Variants in SYT1 observed in about 807,000 individuals in gnomAD.
SYT1 encodes synaptotagmin 1.
SYT1 carries 8 observed loss-of-function variants against 44.8 expected under a neutral mutation model. The observed-to-expected ratio is 0.18, with a 90% CI of 0.10 to 0.32. SYT1 has a LOEUF of 0.32. Ranked by LOEUF, SYT1 falls within the 10% of genes least tolerant of loss-of-function variation. The probability of loss-of-function intolerance (pLI) is 1.00; values close to 1 mark genes in which losing one functional copy is unlikely to be tolerated. For synonymous variants in SYT1, 154 were observed against 188.8 expected (o/e 0.82, Z 1.51); for missense variants, 286 against 509.3 (o/e 0.56, Z 4.22).
In SYT1 at chr12:78,923,151, A is replaced by G. The variant is rs147235610; in HGVS notation, c.-216-54648A>G. 2.3e-4 allele frequency among the ~76,000 whole-genome samples: 35 copies of G among 152,116 alleles called. No individual in the cohort carries two copies. In the East Asian group the frequency reaches 6.4e-3, roughly 28 times the overall value. ...ATTTCAGATGTGAAAGAAATATTCT[A>G]TATTTATGCTGTCCAATATGGTGGT... On this transcript the variant is annotated intron_variant, in intron 1 of 10. Transcript: ENST00000261205.
chr12:79,021,736 A>G (rs549029736), intron 2 of SYT1, among the ~76,000 whole-genome samples: 4 of 151,860 alleles, frequency 2.6e-5, no homozygotes, highest in Non-Finnish European at 5.9e-5. Flanking sequence ...AGAAGTTTAG[A>G]AAATATATAA....
At chr12:79,349,040 A>AGAAAGAAAGAAAGG in intron 8 of SYT1, among the ~76,000 whole-genome samples, 1 of 135,230 alleles carries the variant, frequency 7.4e-6, no homozygotes, top group East Asian at 2.7e-4. Context: ...AGAAAAAGAA[A>AGAAAGAAAGAAAGG]GAAAGAAAGA....
intron 1 of SYT1, among the ~76,000 whole-genome samples, chr12:78,938,912 A>C (rs1392159757): frequency 6.6e-6 from 1 of 152,186 alleles, no homozygotes; most frequent in Non-Finnish European, 1.5e-5. Flanking sequence ...CTTAAGAATC[A>C]CTAAAGTTGG....
At chr12:79,133,518 T>C (rs2138187248) in intron 3 of SYT1, among the ~76,000 whole-genome samples, 1 of 152,366 alleles carries the variant, frequency 6.6e-6, no homozygotes, top group Admixed American at 6.5e-5. Flanking sequence ...CTATACCCTG[T>C]AGATATTTAC....
rs547875952 is a variant in SYT1 at position 79,430,588 on chromosome 12, C to G, written c.929-13485C>G. Reference sequence around the variant, plus strand: ...ATCACTTGAGTTCAAGAGTTTAAGACCAGCCTAGGCAACATAGCAAGATCT... The same window carrying G: ...ATCACTTGAGTTCAAGAGTTTAAGAGCAGCCTAGGCAACATAGCAAGATCT... On this transcript the variant is annotated intron_variant, in intron 9 of 10. Coordinates refer to ENST00000261205, the MANE Select transcript of SYT1 (RefSeq NM_005639.3). Among the ~76,000 whole-genome samples the G allele has an allele frequency of 3.9e-5, 6 of 152,182 alleles. No individual in the cohort carries two copies. The South Asian group carries it at 1.2e-3, about 32-fold the overall frequency.
intron 2 of SYT1, among the ~76,000 whole-genome samples, chr12:79,012,651 G>A (rs1199951195): frequency 6.6e-6 from 1 of 152,096 alleles, no homozygotes; most frequent in Non-Finnish European, 1.5e-5. Context: ...GAGCTGAAGG[G>A]AAAATTTATT....
intron 9 of SYT1, among the ~76,000 whole-genome samples, chr12:79,405,282 A>G (rs923264793): frequency 6.6e-6 from 1 of 152,158 alleles, no homozygotes; most frequent in East Asian, 1.9e-4. Flanking sequence ...AATCAAAAGT[A>G]TACTTTTCAT....
At chr12:78,974,886 G>C (rs1342504987) in intron 1 of SYT1, among the ~76,000 whole-genome samples, 1 of 151,776 alleles carries the variant, frequency 6.6e-6, no homozygotes, top group Non-Finnish European at 1.5e-5. Flanking sequence ...AAATTAGATC[G>C]TCCAGAGGCT....
chr12:78,984,354 A>G (rs1430216983), intron 2 of SYT1, among the ~76,000 whole-genome samples: 3 of 151,978 alleles, frequency 2.0e-5, no homozygotes, highest in Admixed American at 6.6e-5. Flanking sequence ...AAATACCACA[A>G]TGTATTTTAT....
intron 2 of SYT1, among the ~76,000 whole-genome samples, chr12:79,008,047 T>C (rs1337625183): frequency 1.3e-5 from 2 of 152,046 alleles, no homozygotes; most frequent in Non-Finnish European, 2.9e-5. Context: ...AATATGCCTA[T>C]AAATAGTGAT....
intron 3 of SYT1, among the ~76,000 whole-genome samples, chr12:79,072,361 T>G (rs1170988347): frequency 6.6e-6 from 1 of 152,114 alleles, no homozygotes; most frequent in African/African-American, 2.4e-5. Context: ...ATCCTGTTCA[T>G]TTAATGTGAA....
At chr12:79,112,091 A>C (rs1376232863) in intron 3 of SYT1, among the ~76,000 whole-genome samples, 3 of 152,068 alleles carry the variant, frequency 2.0e-5, no homozygotes, top group South Asian at 4.1e-4. Flanking sequence ...GAGAGTCAAC[A>C]GTTAGTTGGA....
chr12:79,345,675 G>A (rs534720890), intron 8 of SYT1, among the ~76,000 whole-genome samples: 1 of 152,272 alleles, frequency 6.6e-6, no homozygotes, highest in South Asian at 2.1e-4. Flanking sequence ...TGTAAATACC[G>A]ATTTGGCAGA....
intron 8 of SYT1, among the ~76,000 whole-genome samples, chr12:79,334,719 A>T (rs947487943): frequency 5.9e-5 from 9 of 152,156 alleles, no homozygotes; most frequent in African/African-American, 2.2e-4. Context: ...CTTTGATAAT[A>T]CTTTCATCAT....
intron 2 of SYT1, among the ~76,000 whole-genome samples, chr12:78,981,125 G>GTTTTTTTTTTTTTTTTTTTTT (rs1171068435): frequency 2.4e-5 from 3 of 122,696 alleles, no homozygotes; most frequent in Non-Finnish European, 3.4e-5. Context: ...TTGTTTCTTT[G>GTTTTTTTTTTTTTTTTTTTTT]TTTTTTTTTT....
At chr12:78,988,277 CAATA>C (rs1175821040) in intron 2 of SYT1, among the ~76,000 whole-genome samples, 1 of 151,288 alleles carries the variant, frequency 6.6e-6, no homozygotes, top group African/African-American at 2.4e-5. Flanking sequence ...AACAAATAAA[CAATA>C]AACAACATAA....
At chr12:79,394,745 A>G (rs1019884828) in intron 9 of SYT1, among the ~76,000 whole-genome samples, 1 of 152,230 alleles carries the variant, frequency 6.6e-6, no homozygotes, top group African/African-American at 2.4e-5. Context: ...TTCTACTGCA[A>G]CATTTCAACA....
At chr12:78,994,816 T>C (rs1290657503) in intron 2 of SYT1, among the ~76,000 whole-genome samples, 2 of 152,144 alleles carry the variant, frequency 1.3e-5, no homozygotes, top group Non-Finnish European at 2.9e-5. Flanking sequence ...ATTACAGGCG[T>C]GAGCCACTGT....
intron 1 of SYT1, among the ~76,000 whole-genome samples, chr12:78,965,692 G>A (rs918007581): frequency 6.6e-6 from 1 of 152,096 alleles, no homozygotes; most frequent in Admixed American, 6.5e-5. Context: ...GCTGACACTT[G>A]AGCCAAGATC....
Sources: gnomAD v4.1 joint callset for allele counts (sites outside exome capture counted in the v4.1 genomes callset) on GRCh38, gnomAD v4.1.1 for gene constraint, MANE v1.5 for transcripts, NCBI Gene and HGNC (gene_info 2026-07-23, HGNC 2026-07-21) for gene names.